Variants in GXYLT1 observed in about 807,000 individuals in gnomAD.
The protein encoded by GXYLT1 is glucoside xylosyltransferase 1, also known as glycosyltransferase 8 domain containing 3.
GXYLT1 carries 29 observed loss-of-function variants against 54.0 expected under a neutral mutation model. That is an observed-to-expected ratio of 0.54 (90% confidence interval 0.40 to 0.73). GXYLT1 has a LOEUF of 0.73. GXYLT1 is among the 30% of genes least tolerant of loss of function. The probability of loss-of-function intolerance (pLI) is 0.00; values close to 1 mark genes in which losing one functional copy is unlikely to be tolerated. For synonymous variants in GXYLT1, 176 were observed against 204.1 expected, an observed-to-expected ratio of 0.86 and a Z score of 1.17; for missense variants, 490 against 553.4, an observed-to-expected ratio of 0.89 and a Z score of 1.15.
chr12:42,119,056 G>A lies in GXYLT1; in HGVS notation c.430C>T (p.Pro144Ser). 3 of 1,614,120 alleles carry A rather than the reference G, an allele frequency of 1.9e-6. No homozygotes were observed. Among genetic ancestry groups the A allele is most frequent in the Non-Finnish European group, 2.5e-6 (3 of 1,179,940 alleles). Residue 144 changes from proline (P) to serine (S), a missense_variant, in exon 3 of 8, where the codon CCT becomes TCT. Around this residue, in one of 2 missense-constraint regions of GXYLT1, gnomAD observed 148 missense variants for 210.7 expected, o/e 0.70. Coordinates refer to ENST00000398675, the MANE Select transcript of GXYLT1 (RefSeq NM_173601.2). ...TCAGCAAAAATATGGAATTGAAGAG[G>A]TTTGATGCTGAAAATGATAGCTGAC... ...LKSAIIFSIKPLQFHIFAEDQ... is the reference protein window; with the variant it reads ...LKSAIIFSIKSLQFHIFAEDQ...
At chr12:42,097,266 T>C (rs2065360671) in intron 7 of GXYLT1, among the ~76,000 whole-genome samples, 176 bp downstream of exon 7, 1 of 151,982 alleles carries the variant, frequency 6.6e-6, no homozygotes, top group South Asian at 2.1e-4. Context: ...AACTACATTG[T>C]TTTCAGGAAA....
intron 1 of GXYLT1, 46 bp downstream of exon 1, chr12:42,144,380 A>C (rs2065668306): frequency 1.6e-6 from 2 of 1,280,860 alleles, no homozygotes; most frequent in Non-Finnish European, 2.0e-6. Flanking sequence ...GCCCGCGCCC[A>C]GCGCCCCGCG....
chr12:42,094,154 G>C (rs2065343025), intron 7 of GXYLT1, among the ~76,000 whole-genome samples: 1 of 151,792 alleles, frequency 6.6e-6, no homozygotes, highest in Admixed American at 6.6e-5. Context: ...AGGAATTCAA[G>C]ACTAGCCTGA....
chr12:42,102,786 C>T (rs536456502), intron 5 of GXYLT1, among the ~76,000 whole-genome samples: 1 of 151,834 alleles, frequency 6.6e-6, no homozygotes, highest in Admixed American at 6.6e-5. Flanking sequence ...ACGGCAAATA[C>T]GATACTGCAA....
intron 7 of GXYLT1, 46 bp from the exon 8 acceptor site, chr12:42,087,993 G>T (rs767200986): frequency 3.0e-6 from 3 of 1,010,210 alleles, no homozygotes; most frequent in East Asian, 5.4e-5. Context: ...AAAGGCAAAG[G>T]TACATATGTA....
rs1440026082 is a variant in GXYLT1 at position 42,082,742 on chromosome 12, A to G, written c.*5044T>C. 6.6e-6 allele frequency: 1 copy of G among 152,236 alleles called. No homozygotes were observed. The highest frequency in any genetic ancestry group is 2.4e-5 in the African/African-American group (1 of 41,426). 9.4% of individuals were successfully genotyped at this position (152,236 alleles called of 1,614,324 possible). ...CGATCCTCCTGCCTCGGCCTCCCAA[A>G]GTGCTGGGATTACATGCATGAGCCA... On this transcript the variant is annotated 3_prime_UTR_variant, in exon 8 of 8. Transcript: ENST00000398675.
chr12:42,091,619 C>T (rs1173623548), intron 7 of GXYLT1, among the ~76,000 whole-genome samples: 3 of 152,082 alleles, frequency 2.0e-5, no homozygotes, highest in African/African-American at 7.2e-5. Flanking sequence ...AACATCAACA[C>T]TAAATTTTAT....
intron 1 of GXYLT1, among the ~76,000 whole-genome samples, chr12:42,142,781 G>A (rs1268691738): frequency 4.6e-5 from 7 of 152,072 alleles, no homozygotes; most frequent in Non-Finnish European, 8.8e-5. Flanking sequence ...ACTTTTCCAC[G>A]TTGTTCCCCT....
rs188944431 is a variant in GXYLT1 at position 42,124,014 on chromosome 12, T to C, written c.315-4843A>G. ...GGCAAAATTACTTTCATGAGTTACA[T>C]ATAAAACACTTTCAAAACAAAATAC... On this transcript the variant is annotated intron_variant, in intron 2 of 7. Coordinates refer to ENST00000398675, the MANE Select transcript of GXYLT1 (RefSeq NM_173601.2). 2.7e-3 allele frequency among the ~76,000 whole-genome samples: 401 copies of C among 149,404 alleles called. 3 individuals are homozygous for C. The highest frequency in any genetic ancestry group is 9.3e-3 in the African/African-American group (381 of 40,852).
At chr12:42,091,288 T>C (rs1487338901) in intron 7 of GXYLT1, among the ~76,000 whole-genome samples, 1 of 132,824 alleles carries the variant, frequency 7.5e-6, no homozygotes. Flanking sequence ...AAAAATAAGA[T>C]TTTTTTAAAA....
In GXYLT1 at chr12:42,081,897, CAT is replaced by C. The variant is rs2065256280; in HGVS notation, c.*5887_*5888del. The C allele has an allele frequency of 6.6e-6, 1 of 152,332 alleles. No homozygotes were observed. The highest frequency in any genetic ancestry group is 1.5e-5 in the Non-Finnish European group (1 of 68,036). The allele number at this position is 152,332 out of a possible 1,614,324, so 9.4% of individuals were successfully genotyped here. A position where few individuals can be genotyped will look rare whatever the true frequency, so the allele number is the denominator to read the frequency against. ...AAATGTTTATTTAGTAACAGCAACA[CAT>C]AGTTTCTCAAGAAGAGGATGAACTG... On this transcript the variant is annotated 3_prime_UTR_variant, in exon 8 of 8. Transcript: ENST00000398675.
At chr12:42,105,045 CTTAAAAG>C (rs968444319) in intron 5 of GXYLT1, among the ~76,000 whole-genome samples, 2 of 152,166 alleles carry the variant, frequency 1.3e-5, no homozygotes, top group African/African-American at 4.8e-5. Context: ...AGAATTCATA[CTTAAAAG>C]TTAACTAAGT....
chr12:42,144,668 T>TCGACGCCGCCGCCGC lies in GXYLT1; in HGVS notation c.-23_-22insGCGGCGGCGGCGTCG. On this transcript the variant is annotated 5_prime_UTR_variant, in exon 1 of 8. Coordinates refer to ENST00000398675, the MANE Select transcript of GXYLT1 (RefSeq NM_173601.2). Reference sequence around the variant, plus strand: ...GCATCGCCCCGGCCGCGCTCCTCCTTCGCCGCCGCCGCCGCGCCCGCCCCG... The same window carrying TCGACGCCGCCGCCGC: ...GCATCGCCCCGGCCGCGCTCCTCCTTCGACGCCGCCGCCGCCGCCGCCGCCGCCGCGCCCGCCCCG... 7.2e-7 allele frequency: 1 copy of TCGACGCCGCCGCCGC among 1,380,352 alleles called. No homozygotes were observed. The highest frequency in any genetic ancestry group is 9.5e-7 in the Non-Finnish European group (1 of 1,056,874). The allele number at this position is 1,380,352 out of a possible 1,614,324, so 85.5% of individuals were successfully genotyped here. A position where few individuals can be genotyped will look rare whatever the true frequency, so the allele number is the denominator to read the frequency against.
chr12:42,124,178 C>G (rs892016643), intron 2 of GXYLT1, among the ~76,000 whole-genome samples: 3 of 151,726 alleles, frequency 2.0e-5, no homozygotes, highest in African/African-American at 4.8e-5. Context: ...ATGAACTACT[C>G]AAAATAATAC....
Position 42,098,099 on chromosome 12 carries a change from TC to T in GXYLT1, c.865-67del, listed in dbSNP as rs1322440098. On this transcript the variant is annotated intron_variant, in intron 5 of 7. Transcript: ENST00000398675. ...CTTAAAATGGCAGCATGATGACAGT[TC>T]CTCATTCTTCCCACAGCAACCATTA... The T allele has an allele frequency of 1.9e-5, 27 of 1,413,508 alleles. No homozygotes were observed. The East Asian group carries it at 6.2e-4, about 32-fold the overall frequency. 87.6% of individuals were successfully genotyped at this position (1,413,508 alleles called of 1,614,324 possible). A position where few individuals can be genotyped will look rare whatever the true frequency, so the allele number is the denominator to read the frequency against.
rs188885817 is a variant in GXYLT1, at chr12:42,135,568, G to A, written c.222-5717C>T. The stretch of plus-strand genomic sequence containing the variant: ...CCAAAAAGTATGAAAGAACTCAAAT[G>A]TCCACCAAATAATGAGCAAAATGTG... On this transcript the variant is annotated intron_variant, in intron 1 of 7. Transcript: ENST00000398675. Among the ~76,000 whole-genome samples, 590 of 148,272 alleles carry A rather than the reference G, an allele frequency of 4.0e-3. 5 individuals are homozygous for A. Among genetic ancestry groups the A allele is most frequent in the African/African-American group, 0.013 (542 of 40,790 alleles).
intron 5 of GXYLT1, among the ~76,000 whole-genome samples, chr12:42,104,787 T>A (rs747980239): frequency 6.6e-6 from 1 of 152,106 alleles, no homozygotes; most frequent in African/African-American, 2.4e-5. Context: ...ATGACAAAAA[T>A]ACATACATAT....
chr12:42,087,724 T>C lies in GXYLT1; in HGVS notation c.*62A>G. 1.6e-6 allele frequency: 2 copies of C among 1,218,456 alleles called. No individual in the cohort carries two copies. Among genetic ancestry groups the C allele is most frequent in the Non-Finnish European group, 2.3e-6 (2 of 874,522 alleles). 75.5% of individuals were successfully genotyped at this position (1,218,456 alleles called of 1,614,324 possible). A position where few individuals can be genotyped will look rare whatever the true frequency, so the allele number is the denominator to read the frequency against. ...TTCCTGAATACTTCATCCAAGACGA[T>C]TCCTTCACACTTATCTTCTGATTCT... On this transcript the variant is annotated 3_prime_UTR_variant, in exon 8 of 8. Coordinates refer to ENST00000398675, the MANE Select transcript of GXYLT1 (RefSeq NM_173601.2).
intron 2 of GXYLT1, among the ~76,000 whole-genome samples, chr12:42,119,680 C>T (rs1249472591): frequency 6.6e-6 from 1 of 151,798 alleles, no homozygotes; most frequent in Admixed American, 6.6e-5. Context: ...TGGTGGCATG[C>T]ACCTGTAGCC....
Sources: allele counts gnomAD v4.1 joint callset (sites outside exome capture counted in the v4.1 genomes callset), GRCh38; gene constraint gnomAD v4.1.1; regional missense constraint gnomAD v4.1.1; transcripts MANE v1.5; gene names NCBI Gene and HGNC (gene_info 2026-07-23, HGNC 2026-07-21).